The following PUDP variants were observed in gnomAD, a reference collection of about 807,000 sequenced individuals.
PUDP encodes pseudouridine-5'-phosphatase.
Under a neutral mutation model 9.4 loss-of-function variants are expected in PUDP, and 8 were observed. That is an observed-to-expected ratio of 0.85 (90% confidence interval 0.50 to 1.53). PUDP has a LOEUF of 1.53. PUDP is among the 40% of genes most tolerant of loss of function. The pLI, the probability that PUDP is intolerant of heterozygous loss-of-function variation, is 0.00. For missense variants in PUDP, 188 were observed against 189.7 expected (o/e 0.99, Z 0.05); for synonymous variants, 99 against 80.7 (o/e 1.23, Z -1.22).
intron 3 of PUDP, among the ~76,000 whole-genome samples, chrX:6,833,278 G>C (rs1206618698): frequency 8.9e-6 from 1 of 111,861 alleles, no homozygotes. Flanking sequence ...AGGATGAATG[G>C]ATGGATGGGA....
At chrX:6,953,147 C>T (rs1017952396) in intron 3 of PUDP, among the ~76,000 whole-genome samples, 2 of 111,692 alleles carry the variant, frequency 1.8e-5, no homozygotes, top group African/African-American at 6.5e-5. Context: ...CTGTTAGTTA[C>T]TCCTTGTTTA....
At chrX:7,098,129 G>A (rs1252308564) in intron 2 of PUDP, among the ~76,000 whole-genome samples, 1 of 112,452 alleles carries the variant, frequency 8.9e-6, no homozygotes, top group Non-Finnish European at 1.9e-5. Flanking sequence ...TGGGCCAGGT[G>A]TAACCACACA....
intron 3 of PUDP, among the ~76,000 whole-genome samples, chrX:6,966,098 G>C (rs1223666149): frequency 9.0e-6 from 1 of 110,973 alleles, no homozygotes; most frequent in Non-Finnish European, 1.9e-5. Flanking sequence ...ATCAGAATCT[G>C]ATAATCCTAG....
intron 3 of PUDP, among the ~76,000 whole-genome samples, chrX:6,967,859 C>T (rs1928809943): frequency 9.0e-6 from 1 of 111,618 alleles, no homozygotes; most frequent in Admixed American, 9.5e-5. Flanking sequence ...CCTGACCTAC[C>T]TTATTTGACT....
At chrX:6,960,496 G>A (rs1928691560) in intron 3 of PUDP, among the ~76,000 whole-genome samples, 1 of 111,669 alleles carries the variant, frequency 9.0e-6, no homozygotes, top group South Asian at 3.8e-4. Context: ...CAGCACGAAG[G>A]CCCTCACCAG....
In PUDP at chrX:6,762,209, G is replaced by A. The variant is rs774143692; in HGVS notation, c.*248-55743C>T. 4.5e-5 allele frequency among the ~76,000 whole-genome samples: 5 copies of A among 111,489 alleles called. No homozygotes were observed. In the East Asian group the frequency reaches 1.4e-3, roughly 32 times the overall value. ...TTGTCTCAAAATAAAATAAAATAAAGCCATACTTCCTGCGCCTCTGATGAG... is the reference window on the plus strand; with the variant it reads ...TTGTCTCAAAATAAAATAAAATAAAACCATACTTCCTGCGCCTCTGATGAG... On this transcript the variant is annotated intron_variant and NMD_transcript_variant, in intron 3 of 3. Coordinates refer to the PUDP transcript ENST00000655425.
At chrX:7,069,625 T>C (rs1005849902) in intron 3 of PUDP, among the ~76,000 whole-genome samples, 1 of 110,730 alleles carries the variant, frequency 9.0e-6, no homozygotes, top group Non-Finnish European at 1.9e-5. Context: ...TGAGGGTTAT[T>C]AGAGCTGAAG....
chrX:6,772,804 C>CAAA (rs1569095890), intron 3 of PUDP, among the ~76,000 whole-genome samples: 3 of 109,618 alleles, frequency 2.7e-5, no homozygotes, highest in Non-Finnish European at 3.8e-5. Context: ...ACAACAACAA[C>CAAA]AAAAAACCCA....
chrX:6,875,161 C>A lies in PUDP; in HGVS notation c.*247+101972G>T, dbSNP rs946839381. Among the ~76,000 whole-genome samples, 3 of 111,558 alleles carry A rather than the reference C, an allele frequency of 2.7e-5. 1 individual carries two copies. Among genetic ancestry groups the A allele is most frequent in the Non-Finnish European group, 5.6e-5 (3 of 53,104 alleles). ...ATGGCTCACTGCAGCCTTGAACTCC[C>A]AGCTTTAAGCTATCCTCCCATCTTA... On this transcript the variant is annotated intron_variant and NMD_transcript_variant, in intron 3 of 3. Transcript: ENST00000655425.
downstream of PUDP, among the ~76,000 whole-genome samples, chrX:7,045,523 G>A (rs979580941): frequency 1.8e-5 from 2 of 111,888 alleles, no homozygotes; most frequent in Non-Finnish European, 3.8e-5. Flanking sequence ...CTCCCCAGTC[G>A]TCCCCTTGTC....
At chrX:6,776,058 G>A (rs1925454112) in intron 3 of PUDP, among the ~76,000 whole-genome samples, 1 of 112,021 alleles carries the variant, frequency 8.9e-6, no homozygotes, top group Non-Finnish European at 1.9e-5. Flanking sequence ...TCTCACTGGA[G>A]AACGTCACTG....
chrX:6,990,449 T>C (rs752845205), intron 1 of PUDP, among the ~76,000 whole-genome samples: 1 of 112,096 alleles, frequency 8.9e-6, no homozygotes, highest in African/African-American at 3.2e-5. Flanking sequence ...ATTCACTTAT[T>C]TGAACCAACT....
intron 1 of PUDP, among the ~76,000 whole-genome samples, chrX:7,106,269 C>T (rs1200361588): frequency 8.9e-6 from 1 of 112,652 alleles, no homozygotes; most frequent in Non-Finnish European, 1.9e-5. Context: ...ATTTCCACTG[C>T]CCAGTGGGAT....
chrX:7,089,783 C>A (rs1192143518), intron 2 of PUDP, among the ~76,000 whole-genome samples: 1 of 111,850 alleles, frequency 8.9e-6, no homozygotes, highest in Non-Finnish European at 1.9e-5. Context: ...AGGCTTCACA[C>A]ATATACCATG....
At chrX:6,797,361 T>C (rs1351634258) in intron 3 of PUDP, among the ~76,000 whole-genome samples, 1 of 111,703 alleles carries the variant, frequency 9.0e-6, no homozygotes, top group African/African-American at 3.3e-5. Flanking sequence ...CTCTCCTACA[T>C]TGCATCAGGG....
chrX:6,720,258 G>GTATATATATATATATATATATA (rs543397118), intron 1 of PUDP, among the ~76,000 whole-genome samples: 1 of 48,805 alleles, frequency 2.0e-5, no homozygotes, highest in Admixed American at 2.5e-4. Context: ...GTGTGTGTGT[G>GTATATATATATATATATATATA]TATATATATA....
At position 7,021,554 on chromosome X, in the gene PUDP, G is replaced by GTC. The variant is rs772120017; in HGVS notation, c.205-43212_205-43211insGA. ...TTTGAAGTGTCAATGGCAAAAGTTTGTTGTTGCAAATTTGCTCAAAACTAT... is the reference window on the plus strand; with the variant it reads ...TTTGAAGTGTCAATGGCAAAAGTTTGTCTTGTTGCAAATTTGCTCAAAACTAT... On this transcript the variant is annotated intron_variant and NMD_transcript_variant, in intron 1 of 3. Coordinates refer to the PUDP transcript ENST00000655425. 2.4e-3 allele frequency among the ~76,000 whole-genome samples: 275 copies of GTC among 112,441 alleles called. 1 individual carries two copies. The highest frequency in any genetic ancestry group is 3.8e-3 in the Non-Finnish European group (203 of 53,306).
chrX:6,733,100 T>C (rs1924830052), intron 3 of PUDP, among the ~76,000 whole-genome samples: 1 of 112,427 alleles, frequency 8.9e-6, no homozygotes, highest in South Asian at 3.7e-4. Context: ...CTCCAGCCTT[T>C]GCATGGAGCT....
intron 1 of PUDP, among the ~76,000 whole-genome samples, chrX:6,998,189 G>T (rs1469428031): frequency 9.0e-6 from 1 of 111,482 alleles, no homozygotes; most frequent in East Asian, 2.8e-4. Flanking sequence ...TTTAGCTAAT[G>T]ATTTGGATGA....
Sources: gnomAD v4.1 joint callset for allele counts (sites outside exome capture counted in the v4.1 genomes callset) on GRCh38, gnomAD v4.1.1 for gene constraint, MANE v1.5 for transcripts, NCBI Gene and HGNC (gene_info 2026-07-23, HGNC 2026-07-21) for gene names.